LY96: variants seen among roughly 807,000 people sequenced by gnomAD.
LY96 encodes lymphocyte antigen 96, also known as myeloid differentiation protein-2.
Under a neutral mutation model 18.9 loss-of-function variants are expected in LY96, and 18 were observed. The ratio of observed to expected loss-of-function variants is 0.95; its 90% CI spans 0.66 to 1.41. The LOEUF (loss-of-function observed/expected upper bound fraction) is 1.41, where lower values mean the gene tolerates loss of function less well. Among genes scored for constraint, LY96 ranks in the 40% most tolerant of loss-of-function variants. LY96 has a pLI of 0.00. For missense variants in LY96, 175 were observed against 182.4 expected (o/e 0.96, Z 0.23); for synonymous variants, 66 against 62.6 (o/e 1.06, Z -0.26).
At chr8:74,031,890 G>T (rs1410914438), downstream of LY96, among the ~76,000 whole-genome samples, 1 of 152,068 alleles carries the variant, frequency 6.6e-6, no homozygotes, top group Non-Finnish European at 1.5e-5. Flanking sequence ...TTGGGAGGCC[G>T]AGGTGGGTGG....
intron 2 of LY96, among the ~76,000 whole-genome samples, chr8:74,005,993 A>AAAC (rs916419204): frequency 6.6e-6 from 1 of 152,212 alleles, no homozygotes; most frequent in Non-Finnish European, 1.5e-5. Context: ...GAAAAATGAA[A>AAAC]AACAACAACA....
the LY96 span, among the ~76,000 whole-genome samples, chr8:74,052,935 A>T: frequency 1.3e-5 from 2 of 152,228 alleles, no homozygotes; most frequent in Non-Finnish European, 2.9e-5. Flanking sequence ...TTTGAAAAGA[A>T]GGGGTAAATT....
chr8:74,083,967 G>A, the LY96 span, among the ~76,000 whole-genome samples: 6 of 151,940 alleles, frequency 3.9e-5, no homozygotes, highest in East Asian at 1.9e-4. Context: ...GATTACAGGC[G>A]TGAGCCACTG....
the LY96 span, among the ~76,000 whole-genome samples, chr8:74,079,145 C>T: frequency 3.2e-3 from 489 of 152,222 alleles, no homozygotes; most frequent in African/African-American, 9.9e-3. Flanking sequence ...AACAGAAAGG[C>T]GGAGGAAAGG....
rs945794834 is a variant in LY96 at position 74,004,904 on chromosome 8, T to C, written c.202+19T>C. The C allele has an allele frequency of 6.3e-7, 1 of 1,583,296 alleles. No homozygotes were observed. The highest frequency in any genetic ancestry group is 2.3e-5 in the East Asian group (1 of 44,172). On this transcript the variant is annotated intron_variant, in intron 2 of 4. Coordinates refer to ENST00000284818, the MANE Select transcript of LY96 (RefSeq NM_015364.5). Reference sequence around the variant, plus strand: ...ATTCCAAGTAAGTTCAAATTTTTGCTTTTATAGACCAATCAAAGGAGTTAA... The same window carrying C: ...ATTCCAAGTAAGTTCAAATTTTTGCCTTTATAGACCAATCAAAGGAGTTAA...
chr8:74,068,527 T>C, the LY96 span, among the ~76,000 whole-genome samples: 1 of 152,164 alleles, frequency 6.6e-6, no homozygotes, highest in African/African-American at 2.4e-5. Context: ...TTAACTCTGG[T>C]AAATTTTCAA....
At chr8:74,092,874 T>C in the LY96 span, among the ~76,000 whole-genome samples, 4 of 152,228 alleles carry the variant, frequency 2.6e-5, no homozygotes, top group African/African-American at 9.6e-5. Flanking sequence ...AGCTCCACTT[T>C]AAGTCCTGAT....
chr8:74,093,174 T>C, the LY96 span, among the ~76,000 whole-genome samples: 13 of 152,194 alleles, frequency 8.5e-5, no homozygotes, highest in African/African-American at 3.1e-4. Context: ...GAACTCCTTC[T>C]GCAAGCCGAG....
At chr8:74,071,060 C>A in the LY96 span, among the ~76,000 whole-genome samples, 1 of 152,030 alleles carries the variant, frequency 6.6e-6, no homozygotes, top group Non-Finnish European at 1.5e-5. Flanking sequence ...AAAAATGAAA[C>A]TGAGAGACTA....
At chr8:74,056,903 C>T in the LY96 span, among the ~76,000 whole-genome samples, 1 of 152,198 alleles carries the variant, frequency 6.6e-6, no homozygotes, top group African/African-American at 2.4e-5. Context: ...CCCCACAGAA[C>T]TTCAGGGTAA....
chr8:74,019,797 TAAAC>T (rs1375202115), intron 3 of LY96, among the ~76,000 whole-genome samples: 2 of 152,254 alleles, frequency 1.3e-5, no homozygotes, highest in East Asian at 1.9e-4. Context: ...ATTCATCACA[TAAAC>T]AAAACCAAAG....
chr8:74,017,279 G>A (rs936621564), intron 3 of LY96, among the ~76,000 whole-genome samples: 8 of 152,126 alleles, frequency 5.3e-5, no homozygotes, highest in Admixed American at 2.0e-4. Flanking sequence ...TAGCCAATTC[G>A]ATCAAGTGGA....
At chr8:74,036,165 GAAGT>G in the LY96 span, among the ~76,000 whole-genome samples, 4 of 152,208 alleles carry the variant, frequency 2.6e-5, no homozygotes, top group African/African-American at 4.8e-5. Context: ...GTTTAACTTT[GAAGT>G]AAGGATGATA....
chr8:74,002,913 T>C (rs1001077595), intron 1 of LY96, among the ~76,000 whole-genome samples: 7 of 152,216 alleles, frequency 4.6e-5, no homozygotes, highest in African/African-American at 1.7e-4. Context: ...TAAAATGTTT[T>C]CTTTCTTCTT....
the LY96 span, among the ~76,000 whole-genome samples, chr8:74,086,812 C>A: frequency 3.3e-5 from 5 of 152,208 alleles, no homozygotes; most frequent in Non-Finnish European, 5.9e-5. Flanking sequence ...CTTGCTCCTT[C>A]CCCATGTGAG....
rs184503843 is a variant in LY96 at position 74,016,563 on chromosome 8, G to C, written c.331+6434G>C. 2.0e-5 allele frequency among the ~76,000 whole-genome samples: 3 copies of C among 152,340 alleles called. No homozygotes were observed. In the East Asian group the frequency reaches 5.8e-4, roughly 29 times the overall value. The stretch of plus-strand genomic sequence containing the variant: ...GAGATCGGACAGACTGTCTCCTCAA[G>C]TGGGTCCCTGACCCCTGTGTAGCCT... On this transcript the variant is annotated intron_variant, in intron 3 of 4. Transcript: ENST00000284818.
chr8:74,030,830 AC>A (rs760550412), downstream of LY96, among the ~76,000 whole-genome samples: 6 of 152,150 alleles, frequency 3.9e-5, no homozygotes, highest in Non-Finnish European at 5.9e-5. Flanking sequence ...ACCAAATCAA[AC>A]CAACTACTGG....
At chr8:74,033,966 C>T (rs1360055855), downstream of LY96, among the ~76,000 whole-genome samples, 1 of 151,900 alleles carries the variant, frequency 6.6e-6, no homozygotes, top group Non-Finnish European at 1.5e-5. Context: ...TCCAGCAAAG[C>T]CAACTTAAAA....
the LY96 span, among the ~76,000 whole-genome samples, chr8:74,068,101 T>TATAA: frequency 7.6e-6 from 1 of 130,882 alleles, no homozygotes; most frequent in African/African-American, 3.0e-5. Flanking sequence ...TATATATATA[T>TATAA]AACATTTCCT....
Sources: gnomAD v4.1 joint callset for allele counts (sites outside exome capture counted in the v4.1 genomes callset) on GRCh38, gnomAD v4.1.1 for gene constraint, MANE v1.5 for transcripts, NCBI Gene and HGNC (gene_info 2026-07-23, HGNC 2026-07-21) for gene names.